Variants in DIAPH3 observed in about 807,000 individuals in gnomAD.
DIAPH3 encodes diaphanous related formin 3.
A neutral mutation model predicts 144.3 loss-of-function variants in DIAPH3; 117 were observed. The observed-to-expected ratio is 0.81, with a 90% confidence interval of 0.70 to 0.95. DIAPH3 has a LOEUF of 0.95. Ranked by LOEUF, DIAPH3 falls within the 40% of genes least tolerant of loss-of-function variation. DIAPH3 has a pLI of 0.00. For missense variants in DIAPH3, 1,421 were observed against 1,412.7 expected, an observed-to-expected ratio of 1.01 and a Z score of -0.09; for synonymous variants, 519 against 488.9, an observed-to-expected ratio of 1.06 and a Z score of -0.81.
At chr13:59,865,046 C>T (rs1363781985) in intron 21 of DIAPH3, among the ~76,000 whole-genome samples, 1 of 151,962 alleles carries the variant, frequency 6.6e-6, no homozygotes, top group Admixed American at 6.6e-5. Context: ...CAGCTCTAAA[C>T]TCCAGGGCAG....
chr13:59,724,691 G>C (rs769041467), intron 27 of DIAPH3, among the ~76,000 whole-genome samples: 2 of 152,178 alleles, frequency 1.3e-5, no homozygotes, highest in African/African-American at 2.4e-5. Context: ...ATAAATTGCC[G>C]ATTGCGTCAA....
chr13:59,888,480 T>C (rs2045586733), intron 20 of DIAPH3, among the ~76,000 whole-genome samples: 1 of 152,138 alleles, frequency 6.6e-6, no homozygotes, highest in African/African-American at 2.4e-5. Context: ...TTTGTGTTAG[T>C]CAAGCAATTT....
At chr13:59,940,569 T>C (rs1193508855) in intron 17 of DIAPH3, among the ~76,000 whole-genome samples, 11 of 152,212 alleles carry the variant, frequency 7.2e-5, no homozygotes. Context: ...AAGACTATTT[T>C]ACTTCATGTT....
intron 3 of DIAPH3, among the ~76,000 whole-genome samples, chr13:60,099,225 A>G (rs1203788574): frequency 6.6e-6 from 1 of 152,216 alleles, no homozygotes; most frequent in East Asian, 1.9e-4. Context: ...AAAAATTGAA[A>G]TGCAGAAATG....
At chr13:59,697,330 G>A (rs2033859405) in intron 27 of DIAPH3, among the ~76,000 whole-genome samples, 1 of 151,632 alleles carries the variant, frequency 6.6e-6, no homozygotes, top group South Asian at 2.1e-4. Flanking sequence ...CGTGGTGGCA[G>A]GCGCCTGTAG....
At chr13:60,129,537 A>C (rs1050962669) in intron 2 of DIAPH3, among the ~76,000 whole-genome samples, 17 of 152,208 alleles carry the variant, frequency 1.1e-4, no homozygotes, top group Non-Finnish European at 2.2e-4. Flanking sequence ...TTAACAAAAC[A>C]ACTTAAAGGG....
intron 2 of DIAPH3, among the ~76,000 whole-genome samples, chr13:60,112,806 T>C (rs1435100773): frequency 3.3e-5 from 5 of 152,200 alleles, no homozygotes; most frequent in Non-Finnish European, 7.3e-5. Flanking sequence ...TGCAATGAAA[T>C]TTCTTCTACA....
intron 1 of DIAPH3, among the ~76,000 whole-genome samples, chr13:60,136,076 C>G (rs537348446): frequency 1.7e-4 from 26 of 152,092 alleles, no homozygotes; most frequent in Middle Eastern, 3.4e-3. Context: ...GTAGAAATTG[C>G]CAAGAAGAGG....
chr13:59,708,900 T>C (rs190090454), intron 27 of DIAPH3, among the ~76,000 whole-genome samples: 1 of 152,218 alleles, frequency 6.6e-6, no homozygotes, highest in African/African-American at 2.4e-5. Context: ...AGACTAAAAA[T>C]CCTTTACCAA....
At chr13:59,718,511 T>C (rs1043826510) in intron 27 of DIAPH3, among the ~76,000 whole-genome samples, 1 of 152,168 alleles carries the variant, frequency 6.6e-6, no homozygotes, top group African/African-American at 2.4e-5. Flanking sequence ...TCATAGCTAC[T>C]AAATATAAAG....
chr13:59,972,757 T>A (rs1294466724), intron 15 of DIAPH3, among the ~76,000 whole-genome samples: 1 of 152,206 alleles, frequency 6.6e-6, no homozygotes, highest in Non-Finnish European at 1.5e-5. Flanking sequence ...TGATAAAGTG[T>A]GAAGACTGAC....
intron 24 of DIAPH3, among the ~76,000 whole-genome samples, chr13:59,827,041 A>T (rs1370712177): frequency 6.6e-6 from 1 of 152,004 alleles, no homozygotes; most frequent in Non-Finnish European, 1.5e-5. Flanking sequence ...TCAAGATGGA[A>T]TAAAGACTTA....
Position 59,833,171 on chromosome 13 carries a change from T to G in DIAPH3, c.2963A>C (p.Asp988Ala). ...YQSIIGYYAI[D>A]VKKVSVEDFL... ...GTCTTCCACAGACACCTTCTTCACA[T>G]CAATGGCATAGTATCCTATTATACT... is the stretch of plus-strand genomic sequence containing the variant. Residue 988 changes from aspartate (D) to alanine (A), a missense_variant, in exon 24 of 28, where the codon GAT (aspartate) becomes GCT (alanine). Transcript: ENST00000400324. 1 of 1,610,982 alleles carries G rather than the reference T, an allele frequency of 6.2e-7. No homozygotes were observed. The highest frequency in any genetic ancestry group is 8.5e-7 in the Non-Finnish European group (1 of 1,178,092).
intron 14 of DIAPH3, among the ~76,000 whole-genome samples, chr13:59,975,365 T>G (rs984663433): frequency 6.6e-6 from 1 of 152,060 alleles, no homozygotes; most frequent in Non-Finnish European, 1.5e-5. Context: ...AATCTTACTT[T>G]GTCCTTAATA....
Position 59,850,227 on chromosome 13 carries a change from G to T in DIAPH3, c.2738-10779C>A, listed in dbSNP as rs926243395. 1.3e-4 allele frequency among the ~76,000 whole-genome samples: 20 copies of T among 151,980 alleles called. 1 individual carries two copies. The highest frequency in any genetic ancestry group is 4.8e-4 in the African/African-American group (20 of 41,454). On this transcript the variant is annotated intron_variant, in intron 22 of 27. Transcript: ENST00000400324. ...GCTTAAGGAGATTTTGGGCTGAGAC[G>T]ATGGGGTTTTCTAGATAAACAATCA...
chr13:60,122,015 A>G (rs1021985756), intron 2 of DIAPH3, among the ~76,000 whole-genome samples: 1 of 151,950 alleles, frequency 6.6e-6, no homozygotes, highest in Non-Finnish European at 1.5e-5. Flanking sequence ...CTCTACCCCA[A>G]CATCATTCAA....
chr13:59,859,852 T>C (rs2043477373), intron 22 of DIAPH3, among the ~76,000 whole-genome samples: 1 of 152,296 alleles, frequency 6.6e-6, no homozygotes, highest in South Asian at 2.1e-4. Context: ...GAAAATAATT[T>C]CAATTATTTT....
chr13:60,064,134 G>A (rs2056871999), intron 4 of DIAPH3, among the ~76,000 whole-genome samples: 2 of 152,264 alleles, frequency 1.3e-5, no homozygotes, highest in East Asian at 1.9e-4. Flanking sequence ...CTGGAGTGCA[G>A]GCAGAGAAGA....
intron 1 of DIAPH3, among the ~76,000 whole-genome samples, chr13:60,162,782 TAC>T (rs1491270450): frequency 1.6e-4 from 20 of 122,842 alleles, no homozygotes; most frequent in Non-Finnish European, 2.3e-4. Context: ...GCAAATGCTG[TAC>T]TCTCTCTCTC....
Sources: allele counts gnomAD v4.1 joint callset (sites outside exome capture counted in the v4.1 genomes callset), GRCh38; gene constraint gnomAD v4.1.1; transcripts MANE v1.5; gene names NCBI Gene and HGNC (gene_info 2026-07-23, HGNC 2026-07-21).